The following EYS variants were observed in gnomAD, a reference collection of about 807,000 sequenced individuals.
EYS encodes protein eyes shut homolog.
Under a neutral mutation model 282.1 loss-of-function variants are expected in EYS, and 250 were observed. That is an observed-to-expected ratio of 0.89 (90% CI 0.80 to 0.98). The LOEUF (loss-of-function observed/expected upper bound fraction) is 0.98. Among genes scored for constraint, EYS ranks in the 50% least tolerant of loss-of-function variants. EYS has a pLI of 0.00. For synonymous variants in EYS, 1,355 were observed against 1,282.9 expected (o/e 1.06, Z -1.20); for missense variants, 4,016 against 3,709.0 (o/e 1.08, Z -2.15).
At chr6:64,184,039 C>G (rs961926374) in intron 31 of EYS, among the ~76,000 whole-genome samples, 1 of 151,956 alleles carries the variant, frequency 6.6e-6, no homozygotes, top group African/African-American at 2.4e-5. Context: ...AGGAAGTGAC[C>G]CTGAGCGCCT....
intron 22 of EYS, among the ~76,000 whole-genome samples, chr6:64,666,652 C>T (rs1562122634): frequency 6.6e-6 from 1 of 152,154 alleles, no homozygotes; most frequent in Non-Finnish European, 1.5e-5. Context: ...ACTGATATGA[C>T]AATGACTACT....
intron 2 of EYS, among the ~76,000 whole-genome samples, chr6:65,589,441 CCTT>C (rs1328841389): frequency 2.0e-5 from 3 of 152,002 alleles, no homozygotes; most frequent in African/African-American, 4.8e-5. Flanking sequence ...AATACTTTCT[CCTT>C]CTAATGATTA....
chr6:64,700,521 GAC>G (rs1770745974), intron 22 of EYS, among the ~76,000 whole-genome samples: 1 of 151,948 alleles, frequency 6.6e-6, no homozygotes, highest in African/African-American at 2.4e-5. Flanking sequence ...TTTGATACAT[GAC>G]TTTAATAATG....
chr6:64,706,825 TG>T (rs1337888450), intron 22 of EYS, among the ~76,000 whole-genome samples: 1 of 151,888 alleles, frequency 6.6e-6, no homozygotes, highest in Non-Finnish European at 1.5e-5. Flanking sequence ...TACATCTTGG[TG>T]GGGATGTGGT....
chr6:64,066,492 C>G lies in EYS; in HGVS notation c.6572-1G>C. Reference sequence around the variant, plus strand: ...TGCTTTCCACAATTATTCCCATTACCTTTAAGAAAAAAAGAATATATTAGT... The same window carrying G: ...TGCTTTCCACAATTATTCCCATTACGTTTAAGAAAAAAAGAATATATTAGT... On this transcript the variant is annotated splice_acceptor_variant, in intron 32 of 42. Coordinates refer to ENST00000503581, the MANE Select transcript of EYS (RefSeq NM_001142800.2). LOFTEE classifies it high-confidence loss of function. 6.6e-7 allele frequency: 1 copy of G among 1,507,768 alleles called. No homozygotes were observed. Among genetic ancestry groups the G allele is most frequent in the Non-Finnish European group, 9.0e-7 (1 of 1,113,672 alleles). The allele number at this position is 1,507,768 out of a possible 1,614,324, so 93.4% of individuals were successfully genotyped here.
rs561952920 is a variant in EYS at position 64,058,421 on chromosome 6, T to C, written c.6725+7917A>G. On this transcript the variant is annotated intron_variant, in intron 33 of 42. Transcript: ENST00000503581. Reference sequence around the variant, plus strand: ...TTTCACAATAAAGTCTCTTTCCTGATAGTCATTTTAAGGCAGGAATCAAAT... The same window carrying C: ...TTTCACAATAAAGTCTCTTTCCTGACAGTCATTTTAAGGCAGGAATCAAAT... 2.0e-5 allele frequency among the ~76,000 whole-genome samples: 3 copies of C among 152,294 alleles called. No homozygotes were observed. In the East Asian group the frequency reaches 5.8e-4, roughly 29 times the overall value.
intron 12 of EYS, among the ~76,000 whole-genome samples, chr6:65,067,353 A>C (rs1773777946): frequency 6.6e-6 from 1 of 152,110 alleles, no homozygotes; most frequent in Admixed American, 6.6e-5. Context: ...GTCTAACACA[A>C]ACAGTAAAGG....
chr6:64,626,003 C>G, intron 23 of EYS, 118 bp downstream of exon 23: 4 of 586,142 alleles, frequency 6.8e-6, no homozygotes, highest in Non-Finnish European at 1.2e-5. Context: ...TAGTAGTCAA[C>G]AATAGTATTG....
intron 12 of EYS, among the ~76,000 whole-genome samples, chr6:65,224,757 G>A (rs1364943040): frequency 1.3e-5 from 2 of 151,866 alleles, no homozygotes; most frequent in African/African-American, 4.8e-5. Flanking sequence ...AAGGATAAAA[G>A]GATTTATAAG....
intron 2 of EYS, among the ~76,000 whole-genome samples, chr6:65,503,348 T>C (rs1766531184): frequency 6.6e-6 from 1 of 151,658 alleles, no homozygotes. Flanking sequence ...AGAATCCTTT[T>C]ACATTTGGAT....
intron 19 of EYS, among the ~76,000 whole-genome samples, chr6:64,825,850 T>A (rs1048813889): frequency 2.6e-5 from 4 of 151,764 alleles, no homozygotes; most frequent in African/African-American, 9.7e-5. Context: ...ATCTGTAAAC[T>A]ATGAATCAAA....
chr6:64,496,722 T>C (rs1420387401), intron 26 of EYS, among the ~76,000 whole-genome samples: 5 of 152,032 alleles, frequency 3.3e-5, no homozygotes, highest in Admixed American at 2.6e-4. Flanking sequence ...TGTTAAATGT[T>C]ATAATTATAA....
At chr6:65,501,578 A>G (rs907070957) in intron 2 of EYS, among the ~76,000 whole-genome samples, 2 of 151,846 alleles carry the variant, frequency 1.3e-5, no homozygotes, top group African/African-American at 4.8e-5. Context: ...GGAGTAAAGA[A>G]TGACACTTGG....
intron 8 of EYS, among the ~76,000 whole-genome samples, chr6:65,359,020 T>C (rs900186711): frequency 3.3e-5 from 5 of 152,048 alleles, no homozygotes; most frequent in Admixed American, 1.3e-4. Context: ...ACATCTATCT[T>C]ACTTTTGACA....
chr6:65,477,893 T>C (rs189637001), intron 5 of EYS, among the ~76,000 whole-genome samples: 1 of 152,188 alleles, frequency 6.6e-6, no homozygotes, highest in African/African-American at 2.4e-5. Flanking sequence ...TACTCAAATA[T>C]AACTCTGTGA....
At chr6:64,577,712 GA>G (rs1765927573) in intron 26 of EYS, among the ~76,000 whole-genome samples, 2 of 152,050 alleles carry the variant, frequency 1.3e-5, no homozygotes, top group South Asian at 4.1e-4. Flanking sequence ...GGCAGATGCA[GA>G]AATCAGAGGT....
chr6:64,164,942 CCT>C (rs1420874850), intron 31 of EYS, among the ~76,000 whole-genome samples: 1 of 151,914 alleles, frequency 6.6e-6, no homozygotes, highest in Non-Finnish European at 1.5e-5. Flanking sequence ...ACTTTTTTCC[CCT>C]GTGTTAAGCA....
intron 13 of EYS, among the ~76,000 whole-genome samples, chr6:65,046,425 G>A (rs1773103005): frequency 6.6e-6 from 1 of 151,788 alleles, no homozygotes; most frequent in African/African-American, 2.4e-5. Flanking sequence ...ATATCTGTTT[G>A]TCTTTTTATA....
At position 64,593,301 on chromosome 6, in the gene EYS, G is replaced by A. The variant is rs1208474891; in HGVS notation, c.3693C>T (p.Ser1231=). 6.5e-7 allele frequency: 1 copy of A among 1,548,650 alleles called. No homozygotes were observed. Among genetic ancestry groups the A allele is most frequent in the Non-Finnish European group, 8.7e-7 (1 of 1,145,462 alleles). Residue 1231 remains serine, a synonymous_variant, in exon 25 of 43, where the codon TCC becomes TCT. Transcript: ENST00000503581. ...TTTCATCACCACAAAGAAGCCCAAT[G>A]GAGCAGGTCTGCAAATGACAATTAC... is the stretch of plus-strand genomic sequence containing the variant. ...CLCTPGFMTC[S]IGLLCGDEIR...
Sources: allele counts gnomAD v4.1 joint callset (sites outside exome capture counted in the v4.1 genomes callset), GRCh38; gene constraint gnomAD v4.1.1; transcripts MANE v1.5; gene names NCBI Gene and HGNC (gene_info 2026-07-23, HGNC 2026-07-21).